ENDOU: variants seen among roughly 807,000 people sequenced by gnomAD.
ENDOU encodes endonuclease, poly(U) specific, also known as uridylate-specific endoribonuclease.
Under a neutral mutation model 54.2 loss-of-function variants are expected in ENDOU, and 49 were observed. The observed-to-expected ratio is 0.90, with a 90% confidence interval of 0.72 to 1.15. ENDOU has a LOEUF of 1.15. ENDOU is among the 50% of genes most tolerant of loss of function. The probability of loss-of-function intolerance (pLI) is 0.00; values close to 1 mark genes in which losing one functional copy is unlikely to be tolerated. For missense variants in ENDOU, 458 were observed against 511.4 expected (o/e 0.90, Z 1.01); for synonymous variants, 172 against 190.5 (o/e 0.90, Z 0.80).
Position 47,717,506 on chromosome 12 carries a change from C to G in ENDOU, c.382+12G>C, listed in dbSNP as rs1224194521. On this transcript the variant is annotated intron_variant, in intron 4 of 9. Transcript: ENST00000422538. ...TGTCTCTGCAGCTTAGCTAAGGGAGCAGAAGACTAACCGTGGTCACTACAC... is the reference window on the plus strand; with the variant it reads ...TGTCTCTGCAGCTTAGCTAAGGGAGGAGAAGACTAACCGTGGTCACTACAC... The G allele has an allele frequency of 6.2e-7, 1 of 1,613,300 alleles. No homozygotes were observed. The highest frequency in any genetic ancestry group is 1.3e-5 in the African/African-American group (1 of 75,048).
intron 7 of ENDOU, among the ~76,000 whole-genome samples, 153 bp downstream of exon 7, chr12:47,713,122 C>T (rs1452078212): frequency 6.6e-6 from 1 of 152,138 alleles, no homozygotes; most frequent in Non-Finnish European, 1.5e-5. Flanking sequence ...ACCCCCCCGC[C>T]CCCCTGCCAT....
At chr12:47,711,004 C>A in intron 9 of ENDOU, 85 bp from the exon 10 acceptor site, 1 of 827,022 alleles carries the variant, frequency 1.2e-6, no homozygotes, top group Non-Finnish European at 2.0e-6. Context: ...CCAACTGAAG[C>A]AGAAGGGCTC....
At position 47,713,348 on chromosome 12, in the gene ENDOU, C is replaced by G; in HGVS notation, c.792G>C (p.Lys264Asn). The change falls in exon 7 of 10, where the codon AAG (lysine) becomes AAC (asparagine). Residue 264 changes from lysine (K) to asparagine (N), a missense_variant. Transcript: ENST00000422538. ...GSEQEFVDDLKNMWFGLYSRG... is the reference protein window; with the variant it reads ...GSEQEFVDDLNNMWFGLYSRG... ...TTGAATAGAGCCCAAACCACATGTT[C>G]TTCAAGTCATCGACAAACTCTTGCT... is the stretch of plus-strand genomic sequence containing the variant. 4 of 1,614,132 alleles carry G rather than the reference C, an allele frequency of 2.5e-6. No homozygotes were observed. Among genetic ancestry groups the G allele is most frequent in the Non-Finnish European group, 3.4e-6 (4 of 1,179,986 alleles).
In ENDOU at chr12:47,717,539, C is replaced by CA. The variant is rs35421167; in HGVS notation, c.360dup (p.Glu121Ter). The CA allele has an allele frequency of 6.2e-7, 1 of 1,614,216 alleles. No individual in the cohort carries two copies. Among genetic ancestry groups the CA allele is most frequent in the Admixed American group, 1.7e-5 (1 of 60,034 alleles). ...TAACCGTGGTCACTACACAGGCTCT[C>CA]AAAATCCTTGCAGCAGTTCCCAAAC... On this transcript the variant is annotated frameshift_variant, in exon 4 of 10. Coordinates refer to ENST00000422538, the MANE Select transcript of ENDOU (RefSeq NM_001172439.2). LOFTEE classifies it high-confidence loss of function.
At position 47,717,654 on chromosome 12, in the gene ENDOU, G is replaced by A. The variant is rs779310305; in HGVS notation, c.246C>T (p.Asn82=). 1 of 1,613,966 alleles carries A rather than the reference G, an allele frequency of 6.2e-7. No individual in the cohort carries two copies. Among genetic ancestry groups the A allele is most frequent in the South Asian group, 1.1e-5 (1 of 91,058 alleles). ...GGCAGGAGGTGGGTGCCGAGTACAA[G>A]TCTGAGAAGAGAGGGGTGGTGTGTC... ...EEETEEALAS[N]LYSAPTSCQG... is the part of the protein sequence containing the mutation. The change falls in exon 4 of 10, where the codon AAC becomes AAT. Residue 82 remains asparagine (N), a splice_region_variant and synonymous_variant. Transcript: ENST00000422538.
At position 47,716,020 on chromosome 12, in the gene ENDOU, G is replaced by T. The variant is rs2136675507; in HGVS notation, c.751+280C>A. On this transcript the variant is annotated intron_variant, in intron 6 of 9. Coordinates refer to ENST00000422538, the MANE Select transcript of ENDOU (RefSeq NM_001172439.2). ...GCTCACACCTGGCAGAGAACCCTGAGACTGTAGCAGAGGGTGGGCGTGCAT... is the reference window on the plus strand; with the variant it reads ...GCTCACACCTGGCAGAGAACCCTGATACTGTAGCAGAGGGTGGGCGTGCAT... 2.0e-5 allele frequency among the ~76,000 whole-genome samples: 3 copies of T among 152,278 alleles called. No homozygotes were observed. In the East Asian group the frequency reaches 5.8e-4, roughly 29 times the overall value.
chr12:47,724,115 C>T lies in ENDOU; in HGVS notation c.55+1244G>A, dbSNP rs546054913. 1.1e-3 allele frequency among the ~76,000 whole-genome samples: 166 copies of T among 152,324 alleles called. 2 individuals are homozygous for T. The highest frequency in any genetic ancestry group is 3.7e-3 in the African/African-American group (155 of 41,556). ...CTAAAGCCACTGCTACCTCTGCCCCCCAGGGACCAAATATCCAGAGTTGCT... is the reference window on the plus strand; with the variant it reads ...CTAAAGCCACTGCTACCTCTGCCCCTCAGGGACCAAATATCCAGAGTTGCT... On this transcript the variant is annotated intron_variant, in intron 1 of 9. Transcript: ENST00000422538.
In ENDOU at chr12:47,717,637, G is replaced by A; in HGVS notation, c.263C>T (p.Thr88Ile). 1 of 1,614,126 alleles carries A rather than the reference G, an allele frequency of 6.2e-7. No individual in the cohort carries two copies. Among genetic ancestry groups the A allele is most frequent in the South Asian group, 1.1e-5 (1 of 91,070 alleles). Residue 88 changes from threonine to isoleucine, a missense_variant, in exon 4 of 10, where the codon ACC (threonine) becomes ATC (isoleucine). Coordinates refer to ENST00000422538, the MANE Select transcript of ENDOU (RefSeq NM_001172439.2). ...ALASNLYSAP[T>I]SCQGRCYEAF... Reference sequence around the variant, plus strand: ...TTCGTAGCAGCGGCCCTGGCAGGAGGTGGGTGCCGAGTACAAGTCTGAGAA... The same window carrying A: ...TTCGTAGCAGCGGCCCTGGCAGGAGATGGGTGCCGAGTACAAGTCTGAGAA...
At chr12:47,712,774 C>A in intron 7 of ENDOU, 152 bp from the exon 8 acceptor site, 1 of 636,476 alleles carries the variant, frequency 1.6e-6, no homozygotes, top group Non-Finnish European at 2.8e-6. Context: ...GAGTCTCTCA[C>A]AGTCCTATCT....
At chr12:47,717,809 C>T in intron 3 of ENDOU, 154 bp from the exon 4 acceptor site, 1 of 747,590 alleles carries the variant, frequency 1.3e-6, no homozygotes, top group Non-Finnish European at 2.2e-6. Context: ...GCACACCCTT[C>T]ACAGTCAGGA....
intron 6 of ENDOU, 62 bp downstream of exon 6, chr12:47,716,238 C>A: frequency 6.4e-7 from 1 of 1,558,790 alleles, no homozygotes; most frequent in South Asian, 1.1e-5. Context: ...TTCCCCTCCC[C>A]CGCCCACCTG....
At position 47,716,591 on chromosome 12, in the gene ENDOU, C is replaced by T. The variant is rs566390097; in HGVS notation, c.552-92G>A. ...TCTAGACAGGCCAGGGGCAGACAGGCGAGGGCTGGGTTCAGGAGCCGAGGG... is the reference window on the plus strand; with the variant it reads ...TCTAGACAGGCCAGGGGCAGACAGGTGAGGGCTGGGTTCAGGAGCCGAGGG... On this transcript the variant is annotated intron_variant, in intron 5 of 9. Transcript: ENST00000422538. 120 of 1,250,830 alleles carry T rather than the reference C, an allele frequency of 9.6e-5. No individual in the cohort carries two copies. In the African/African-American group the frequency reaches 1.2e-3, roughly 12 times the overall value. The allele number at this position is 1,250,830 out of a possible 1,614,324, so 77.5% of individuals were successfully genotyped here. A position where few individuals can be genotyped will look rare whatever the true frequency, so the allele number is the denominator to read the frequency against.
intron 1 of ENDOU, 65 bp downstream of exon 1, chr12:47,725,292 ACT>A (rs1940549934): frequency 2.5e-6 from 4 of 1,571,608 alleles, no homozygotes. Context: ...AAGTTCTCCA[ACT>A]CTCTGCTTCT....
intron 1 of ENDOU, 101 bp downstream of exon 1, chr12:47,725,258 T>G: frequency 7.6e-7 from 1 of 1,324,016 alleles, no homozygotes; most frequent in Admixed American, 1.7e-5. Context: ...CACCCTCCCT[T>G]GTCCCACGGC....
chr12:47,717,098 G>T (rs1173310408), intron 4 of ENDOU, 40 bp from the exon 5 acceptor site: 1 of 1,592,624 alleles, frequency 6.3e-7, no homozygotes, highest in South Asian at 1.1e-5. Context: ...AGAGCCAGAG[G>T]GAAAGGGGGG....
intron 3 of ENDOU, 54 bp from the exon 4 acceptor site, chr12:47,717,709 C>T (rs769213379): frequency 6.5e-5 from 103 of 1,589,198 alleles, no homozygotes; most frequent in Admixed American, 3.2e-4. Flanking sequence ...TCGCTCTGAA[C>T]GCCCCACAGG....
At chr12:47,712,804 C>G (rs1265750859) in intron 7 of ENDOU, among the ~76,000 whole-genome samples, 182 bp from the exon 8 acceptor site, 3 of 152,102 alleles carry the variant, frequency 2.0e-5, no homozygotes, top group African/African-American at 4.8e-5. Flanking sequence ...GGAAGGCCCC[C>G]CTTCTGGCTC....
chr12:47,712,408 G>A, intron 8 of ENDOU, 108 bp downstream of exon 8: 1 of 794,020 alleles, frequency 1.3e-6, no homozygotes, highest in Non-Finnish European at 2.1e-6. Flanking sequence ...ACAATCACCT[G>A]GGGCTGCCCC....
Position 47,712,582 on chromosome 12 carries a change from C to T in ENDOU, c.906G>A (p.Trp302Ter), listed in dbSNP as rs749650270. The T allele has an allele frequency of 2.2e-5, 36 of 1,614,050 alleles. No homozygotes were observed. In the African/African-American group the frequency reaches 4.5e-4, roughly 20 times the overall value. Residue 302 changes from tryptophan to a stop codon, truncating the protein, a stop_gained, in exon 8 of 10, where the codon TGG becomes TGA. Transcript: ENST00000422538. LOFTEE classifies it high-confidence loss of function. ...KKGKVTGFHN[W>*]IRFYLEEKEG... ...CCTTCTCCTCCAGGTAGAAGCGGATCCAGTTATGGAAGCCAGTAACCTTGC... is the reference window on the plus strand; with the variant it reads ...CCTTCTCCTCCAGGTAGAAGCGGATTCAGTTATGGAAGCCAGTAACCTTGC...
Sources: allele counts gnomAD v4.1 joint callset (sites outside exome capture counted in the v4.1 genomes callset), GRCh38; gene constraint gnomAD v4.1.1; transcripts MANE v1.5; gene names NCBI Gene and HGNC (gene_info 2026-07-23, HGNC 2026-07-21).